Variants in PCDH9 observed in about 807,000 individuals in gnomAD.
The protein encoded by PCDH9 is protocadherin-9.
PCDH9 carries 24 observed loss-of-function variants against 70.6 expected under a neutral mutation model. The ratio of observed to expected loss-of-function variants is 0.34; its 90% confidence interval spans 0.25 to 0.48. The LOEUF (loss-of-function observed/expected upper bound fraction) is 0.48, where lower values mean the gene tolerates loss of function less well. Ranked by LOEUF, PCDH9 falls within the 20% of genes least tolerant of loss-of-function variation. The pLI is 0.99. For synonymous variants in PCDH9, 562 were observed against 558.5 expected (o/e 1.01, Z -0.09); for missense variants, 1,281 against 1,503.6 (o/e 0.85, Z 2.45).
At chr13:66,621,031 T>C (rs1288742478) in intron 4 of PCDH9, among the ~76,000 whole-genome samples, 1 of 152,238 alleles carries the variant, frequency 6.6e-6, no homozygotes, top group Non-Finnish European at 1.5e-5. Context: ...TATACGAAGA[T>C]ATATCAAGGT....
chr13:66,938,265 T>C (rs2082950090), intron 2 of PCDH9, among the ~76,000 whole-genome samples: 1 of 152,126 alleles, frequency 6.6e-6, no homozygotes, highest in Admixed American at 6.5e-5. Flanking sequence ...TAAACGAAAA[T>C]AATTATAGTT....
chr13:66,699,070 AT>A (rs1462322983), intron 3 of PCDH9, among the ~76,000 whole-genome samples: 3 of 151,420 alleles, frequency 2.0e-5, no homozygotes, highest in African/African-American at 7.3e-5. Flanking sequence ...ACCCACCATC[AT>A]GTCCGGCTAA....
chr13:67,196,234 A>T (rs1344860443), intron 2 of PCDH9, among the ~76,000 whole-genome samples: 1 of 152,176 alleles, frequency 6.6e-6, no homozygotes, highest in African/African-American at 2.4e-5. Flanking sequence ...TATGTGGTGC[A>T]AAACAAGTAC....
rs777928711 is a variant in PCDH9, at chr13:66,917,941, G to A, written c.3037-14336C>T. Among the ~76,000 whole-genome samples the A allele has an allele frequency of 2.6e-5, 4 of 151,358 alleles. No individual in the cohort carries two copies. The South Asian group carries it at 8.3e-4, about 31-fold the overall frequency. ...TACAAAACAGGTACATTAGGAAAAT[G>A]ATATGTCTTAGGTGTCCAGAAAAGG... On this transcript the variant is annotated intron_variant, in intron 2 of 4. Transcript: ENST00000377865.
intron 4 of PCDH9, among the ~76,000 whole-genome samples, chr13:66,361,080 C>A (rs757593103): frequency 2.0e-5 from 3 of 152,014 alleles, no homozygotes; most frequent in Non-Finnish European, 4.4e-5. Context: ...TAACATGGCC[C>A]TAGTGTGTTT....
intron 4 of PCDH9, among the ~76,000 whole-genome samples, chr13:66,477,142 C>T (rs181268260): frequency 3.4e-4 from 52 of 152,078 alleles, no homozygotes; most frequent in African/African-American, 1.1e-3. Flanking sequence ...GTCTGTCTAA[C>T]GAGACAATAT....
At chr13:66,822,673 G>T (rs2080734957) in intron 3 of PCDH9, among the ~76,000 whole-genome samples, 1 of 151,784 alleles carries the variant, frequency 6.6e-6, no homozygotes, top group Non-Finnish European at 1.5e-5. Flanking sequence ...TTACAAGCAT[G>T]CGCCACTACG....
At chr13:66,728,009 A>G (rs1431740763) in intron 3 of PCDH9, among the ~76,000 whole-genome samples, 3 of 152,148 alleles carry the variant, frequency 2.0e-5, no homozygotes, top group Admixed American at 1.3e-4. Flanking sequence ...ATTTCAAAAT[A>G]TGTCTCTCCA....
chr13:66,785,439 T>G (rs2080064455), intron 3 of PCDH9, among the ~76,000 whole-genome samples: 1 of 152,042 alleles, frequency 6.6e-6, no homozygotes, highest in Admixed American at 6.6e-5. Context: ...TGATTTTTTT[T>G]TATTTTACTG....
intron 3 of PCDH9, among the ~76,000 whole-genome samples, chr13:66,656,773 A>G (rs1243096833): frequency 1.3e-5 from 2 of 152,212 alleles, no homozygotes; most frequent in Non-Finnish European, 2.9e-5. Context: ...CAAAATTCCA[A>G]GTTTGAAATT....
chr13:66,636,869 C>T (rs918288148), intron 3 of PCDH9, among the ~76,000 whole-genome samples: 3 of 151,908 alleles, frequency 2.0e-5, no homozygotes, highest in Non-Finnish European at 4.4e-5. Flanking sequence ...TTTGCTATAT[C>T]TCTGCATAAA....
At chr13:67,037,404 AC>A (rs2085031807) in intron 2 of PCDH9, among the ~76,000 whole-genome samples, 2 of 152,174 alleles carry the variant, frequency 1.3e-5, no homozygotes, top group Non-Finnish European at 2.9e-5. Flanking sequence ...CATTCTATAA[AC>A]AAATTTAAAA....
At chr13:67,093,872 G>A (rs2086268678) in intron 2 of PCDH9, among the ~76,000 whole-genome samples, 1 of 152,014 alleles carries the variant, frequency 6.6e-6, no homozygotes, top group African/African-American at 2.4e-5. Flanking sequence ...AATTTTTCTT[G>A]GTAAATTTAC....
chr13:66,844,584 C>CA (rs5804301), intron 3 of PCDH9, among the ~76,000 whole-genome samples: 44,035 of 117,242 alleles, frequency 0.38, 7,050 homozygotes, highest in Middle Eastern at 0.43. Flanking sequence ...GACTCTGTCT[C>CA]AAAAAAAAAA....
intron 3 of PCDH9, among the ~76,000 whole-genome samples, chr13:66,863,188 T>A (rs756633977): frequency 1.4e-4 from 22 of 152,174 alleles, no homozygotes; most frequent in Admixed American, 6.5e-5. Context: ...CTGCTTAGAT[T>A]TTAACTCTGG....
intron 4 of PCDH9, among the ~76,000 whole-genome samples, chr13:66,353,654 C>G (rs753734690): frequency 6.6e-6 from 1 of 152,044 alleles, no homozygotes; most frequent in Non-Finnish European, 1.5e-5. Flanking sequence ...ATTTTTGTCT[C>G]TTAAACTACA....
intron 4 of PCDH9, among the ~76,000 whole-genome samples, chr13:66,493,279 C>T (rs1959061882): frequency 1.3e-5 from 2 of 152,126 alleles, no homozygotes; most frequent in South Asian, 2.1e-4. Flanking sequence ...TACTAGCCAG[C>T]AAGTCTCTTC....
intron 3 of PCDH9, among the ~76,000 whole-genome samples, chr13:66,716,513 T>C (rs2078867724): frequency 6.6e-6 from 1 of 152,138 alleles, no homozygotes; most frequent in Non-Finnish European, 1.5e-5. Context: ...ATTAATCTAA[T>C]GTTAGCTTTG....
chr13:66,762,094 C>T (rs1359858234), intron 3 of PCDH9, among the ~76,000 whole-genome samples: 1 of 152,062 alleles, frequency 6.6e-6, no homozygotes, highest in Non-Finnish European at 1.5e-5. Flanking sequence ...CCTATGACTC[C>T]TGTAGACTTT....
Sources: gnomAD v4.1 joint callset for allele counts (sites outside exome capture counted in the v4.1 genomes callset) on GRCh38, gnomAD v4.1.1 for gene constraint, MANE v1.5 for transcripts, NCBI Gene and HGNC (gene_info 2026-07-23, HGNC 2026-07-21) for gene names.